The following DAB2IP variants were observed in gnomAD, a reference collection of about 807,000 sequenced individuals.
The protein encoded by DAB2IP is disabled homolog 2-interacting protein.
In DAB2IP, 28 loss-of-function variants were observed where a neutral mutation model predicts 107.2. That is an observed-to-expected ratio of 0.26 (90% CI 0.19 to 0.36). DAB2IP has a LOEUF of 0.36. Ranked by LOEUF, DAB2IP falls within the 10% of genes least tolerant of loss-of-function variation. DAB2IP has a pLI of 1.00. For missense variants in DAB2IP, 1,400 were observed against 1,644.7 expected (o/e 0.85, Z 2.57); for synonymous variants, 755 against 706.4 (o/e 1.07, Z -1.09).
chr9:121,571,804 A>G (rs573302377), intron 1 of DAB2IP, among the ~76,000 whole-genome samples: 19 of 152,144 alleles, frequency 1.2e-4, no homozygotes, highest in African/African-American at 4.6e-4. Flanking sequence ...CCCTTAGAGC[A>G]TGGCCAAGAA....
chr9:121,725,165 G>C (rs544503989), intron 3 of DAB2IP, among the ~76,000 whole-genome samples: 1 of 152,168 alleles, frequency 6.6e-6, no homozygotes, highest in Admixed American at 6.5e-5. Context: ...GTGTGTGTGC[G>C]CGCGTGTGTA....
intron 2 of DAB2IP, among the ~76,000 whole-genome samples, chr9:121,681,541 C>T (rs542184016): frequency 1.3e-5 from 2 of 152,208 alleles, no homozygotes; most frequent in South Asian, 2.1e-4. Context: ...TCAAGGTGGT[C>T]GTTTTGCCCA....
At chr9:121,759,307 G>T (rs888165975) in intron 5 of DAB2IP, among the ~76,000 whole-genome samples, 2 of 152,160 alleles carry the variant, frequency 1.3e-5, no homozygotes, top group South Asian at 2.1e-4. Flanking sequence ...GCTGAGTTCT[G>T]CTCATCTTCC....
At chr9:121,697,778 G>A (rs148550041) in intron 2 of DAB2IP, among the ~76,000 whole-genome samples, 2 of 152,280 alleles carry the variant, frequency 1.3e-5, no homozygotes, top group East Asian at 3.9e-4. Context: ...AATCCCAACA[G>A]GTGGCCACAG....
intron 3 of DAB2IP, among the ~76,000 whole-genome samples, chr9:121,755,409 CCT>C (rs1261989712): frequency 6.6e-6 from 1 of 152,234 alleles, no homozygotes; most frequent in Non-Finnish European, 1.5e-5. Context: ...AGGGTTCCCC[CCT>C]GTCTTGAACT....
chr9:121,697,955 A>C (rs147744944), intron 2 of DAB2IP, among the ~76,000 whole-genome samples: 2 of 152,162 alleles, frequency 1.3e-5, no homozygotes, highest in Admixed American at 6.5e-5. Flanking sequence ...ATTTGCAGCA[A>C]ATGTTTTTCT....
At chr9:121,668,066 C>T (rs892965994) in intron 1 of DAB2IP, among the ~76,000 whole-genome samples, 28 of 152,278 alleles carry the variant, frequency 1.8e-4, no homozygotes, top group Middle Eastern at 3.4e-3. Context: ...ATGGGGAAAC[C>T]GCCCCCATGA....
chr9:121,774,476 GTC>G, intron 13 of DAB2IP, 64 bp downstream of exon 13: 6 of 1,500,760 alleles, frequency 4.0e-6, no homozygotes, highest in Non-Finnish European at 5.3e-6. Flanking sequence ...GCTGGTAGGA[GTC>G]TCTCCCCCAG....
chr9:121,671,646 A>G (rs982512223), intron 1 of DAB2IP, among the ~76,000 whole-genome samples: 2 of 152,194 alleles, frequency 1.3e-5, no homozygotes, highest in African/African-American at 4.8e-5. Flanking sequence ...AAAAAATGGT[A>G]TATAAGTGGA....
At chr9:121,587,614 GA>G (rs368945381) in intron 1 of DAB2IP, among the ~76,000 whole-genome samples, 2,653 of 87,828 alleles carry the variant, frequency 0.03, 45 homozygotes, top group Middle Eastern at 0.091. Context: ...GTCTCGAAAA[GA>G]AAAAAAAAAA....
At chr9:121,725,699 G>A (rs975352455) in intron 3 of DAB2IP, among the ~76,000 whole-genome samples, 1 of 152,200 alleles carries the variant, frequency 6.6e-6, no homozygotes, top group Non-Finnish European at 1.5e-5. Flanking sequence ...TTGGGCCACA[G>A]GGTGAAGGTG....
At chr9:121,678,853 GACC>G in intron 2 of DAB2IP, 72 bp downstream of exon 2, 1 of 1,363,202 alleles carries the variant, frequency 7.3e-7, no homozygotes, top group African/African-American at 1.5e-5. Flanking sequence ...GCTGCTCTGT[GACC>G]CCACGGCCCC....
intron 1 of DAB2IP, among the ~76,000 whole-genome samples, chr9:121,572,326 G>A (rs1166674337): frequency 2.0e-5 from 3 of 152,096 alleles, no homozygotes; most frequent in East Asian, 1.9e-4. Flanking sequence ...GCTGTATCTT[G>A]TCTGCCACTG....
intron 1 of DAB2IP, among the ~76,000 whole-genome samples, chr9:121,596,346 C>A (rs916238950): frequency 2.6e-5 from 4 of 151,652 alleles, no homozygotes; most frequent in Non-Finnish European, 5.9e-5. Flanking sequence ...AAATAAAAAA[C>A]AAACAAACAA....
At chr9:121,630,587 T>C (rs957439615) in intron 1 of DAB2IP, among the ~76,000 whole-genome samples, 1 of 151,412 alleles carries the variant, frequency 6.6e-6, no homozygotes, top group Non-Finnish European at 1.5e-5. Flanking sequence ...CTAATTTTTG[T>C]ATTTTTATTT....
At chr9:121,770,509 C>A in intron 10 of DAB2IP, 37 bp from the exon 11 acceptor site, 1 of 1,600,350 alleles carries the variant, frequency 6.2e-7, no homozygotes, top group Non-Finnish European at 8.5e-7. Flanking sequence ...CATGTGGTCC[C>A]AGGAGGTCAC....
At chr9:121,761,096 G>A (rs191598201) in intron 6 of DAB2IP, among the ~76,000 whole-genome samples, 3 of 152,162 alleles carry the variant, frequency 2.0e-5, no homozygotes, top group Non-Finnish European at 2.9e-5. Context: ...TTCCGCTCCC[G>A]AAGATGGGCC....
At chr9:121,750,851 T>A (rs1337512083) in intron 3 of DAB2IP, 1 of 152,290 alleles carries the variant, frequency 6.6e-6, no homozygotes, top group Non-Finnish European at 1.5e-5. Flanking sequence ...CGCTATCAGA[T>A]AAGGCTAGGC....
chr9:121,638,719 C>T (rs1181832186), intron 1 of DAB2IP, among the ~76,000 whole-genome samples: 2 of 151,176 alleles, frequency 1.3e-5, no homozygotes, highest in Non-Finnish European at 2.9e-5. Context: ...GAGGAGGCAG[C>T]GGAGGATTTG....
Sources: allele counts gnomAD v4.1 joint callset (sites outside exome capture counted in the v4.1 genomes callset), GRCh38; gene constraint gnomAD v4.1.1; transcripts MANE v1.5; gene names NCBI Gene and HGNC (gene_info 2026-07-23, HGNC 2026-07-21).